GPRC5A: variants seen among roughly 807,000 people sequenced by gnomAD.
GPRC5A encodes retinoic acid-induced protein 3.
A neutral mutation model predicts 22.5 loss-of-function variants in GPRC5A; 19 were observed. The observed-to-expected ratio is 0.85, with a 90% CI of 0.59 to 1.24. GPRC5A has a LOEUF of 1.24. Ranked by LOEUF, GPRC5A falls within the 50% of genes most tolerant of loss-of-function variation. GPRC5A has a pLI of 0.00. For synonymous variants in GPRC5A, 192 were observed against 184.5 expected (o/e 1.04, Z -0.33); for missense variants, 471 against 451.1 (o/e 1.04, Z -0.40).
chr12:12,901,549 A>G (rs1252198345), intron 1 of GPRC5A, among the ~76,000 whole-genome samples: 2 of 151,838 alleles, frequency 1.3e-5, no homozygotes, highest in African/African-American at 4.8e-5. Flanking sequence ...TGCCTCATCT[A>G]TTCTGGTTAG....
At chr12:12,895,821 C>CAAAAAAAAAA (rs34696528) in intron 1 of GPRC5A, among the ~76,000 whole-genome samples, 323 of 74,138 alleles carry the variant, frequency 4.4e-3, no homozygotes, top group Non-Finnish European at 6.0e-3. Context: ...ACTAAAAATA[C>CAAAAAAAAAA]AAAAAAAAAA....
At chr12:12,903,024 G>T (rs756683841) in intron 1 of GPRC5A, among the ~76,000 whole-genome samples, 1 of 152,122 alleles carries the variant, frequency 6.6e-6, no homozygotes, top group Non-Finnish European at 1.5e-5. Flanking sequence ...CCGATATCGC[G>T]CCATTGCACT....
intron 1 of GPRC5A, among the ~76,000 whole-genome samples, chr12:12,900,615 G>A (rs1461796173): frequency 6.6e-6 from 1 of 151,704 alleles, no homozygotes; most frequent in Non-Finnish European, 1.5e-5. Context: ...CTTTCTTTTG[G>A]GGCCGGGCAC....
chr12:12,899,228 G>T (rs988885167), intron 1 of GPRC5A, among the ~76,000 whole-genome samples: 1 of 151,960 alleles, frequency 6.6e-6, no homozygotes, highest in African/African-American at 2.4e-5. Flanking sequence ...GTACAGCGGG[G>T]GTCTCACTAT....
intron 1 of GPRC5A, among the ~76,000 whole-genome samples, chr12:12,894,186 A>G (rs1255673846): frequency 6.6e-6 from 1 of 152,236 alleles, no homozygotes; most frequent in Non-Finnish European, 1.5e-5. Flanking sequence ...TAGAAAATCT[A>G]TGCTGATCAC....
At chr12:12,903,067 C>G (rs956991590) in intron 1 of GPRC5A, among the ~76,000 whole-genome samples, 1 of 150,490 alleles carries the variant, frequency 6.6e-6, no homozygotes, top group Non-Finnish European at 1.5e-5. Context: ...AACTCCGTCT[C>G]AAACAAAAAA....
chr12:12,912,435 T>G lies in GPRC5A; in HGVS notation c.982-12T>G. On this transcript the variant is annotated splice_polypyrimidine_tract_variant and intron_variant, in intron 3 of 3. Coordinates refer to ENST00000014914, the MANE Select transcript of GPRC5A (RefSeq NM_003979.4). ...TGGAGTGGGTTTCACGATATGACTG[T>G]TTCCTTTTCAGAACCAGCCTCCCCA... 1 of 1,573,930 alleles carries G rather than the reference T, an allele frequency of 6.4e-7. No individual in the cohort carries two copies. Among genetic ancestry groups the G allele is most frequent in the Non-Finnish European group, 8.7e-7 (1 of 1,143,274 alleles).
At chr12:12,903,743 T>C (rs961778815) in intron 1 of GPRC5A, among the ~76,000 whole-genome samples, 1 of 152,218 alleles carries the variant, frequency 6.6e-6, no homozygotes, top group Non-Finnish European at 1.5e-5. Flanking sequence ...GTGGGTTCTA[T>C]AAGGCCCTGA....
rs767232322 is a variant in GPRC5A at position 12,908,361 on chromosome 12, G to C, written c.112G>C (p.Gly38Arg). 1 of 1,613,906 alleles carries C rather than the reference G, an allele frequency of 6.2e-7. No homozygotes were observed. The highest frequency in any genetic ancestry group is 8.5e-7 in the Non-Finnish European group (1 of 1,179,930). The part of the protein sequence containing the change: ...GIVLETVATA[G>R]VVTSVAFMLT... ...CGTCCTAGAAACGGTGGCCACAGCC[G>C]GGGTTGTGACCTCGGTGGCCTTCAT... The change falls in exon 2 of 4, where the codon GGG becomes CGG. Residue 38 changes from glycine to arginine, a missense_variant. Transcript: ENST00000014914.
At chr12:12,894,852 C>T (rs181095381) in intron 1 of GPRC5A, among the ~76,000 whole-genome samples, 2 of 140,884 alleles carry the variant, frequency 1.4e-5, no homozygotes, top group African/African-American at 2.6e-5. Context: ...GATCACGGCT[C>T]ACTGCAAGCT....
Position 12,912,745 on chromosome 12 carries a change from ATTTT to A in GPRC5A, c.*216_*219del. 2 of 433,018 alleles carry A rather than the reference ATTTT, an allele frequency of 4.6e-6. No homozygotes were observed. The highest frequency in any genetic ancestry group is 8.1e-6 in the Non-Finnish European group (2 of 245,764). 26.8% of individuals were successfully genotyped at this position (433,018 alleles called of 1,614,324 possible). A position where few individuals can be genotyped will look rare whatever the true frequency, so the allele number is the denominator to read the frequency against. Reference sequence around the variant, plus strand: ...CTCCAGTTCTTAGAGGCGCTGTAGTATTTTTTTTTTTTTGTCTCATCCTTTGGAT... The same window carrying A: ...CTCCAGTTCTTAGAGGCGCTGTAGTATTTTTTTTTGTCTCATCCTTTGGAT... On this transcript the variant is annotated 3_prime_UTR_variant, in exon 4 of 4. Coordinates refer to ENST00000014914, the MANE Select transcript of GPRC5A (RefSeq NM_003979.4).
rs1421883000 is a variant in GPRC5A, at chr12:12,912,598, G to C, written c.*59G>C. 1.0e-6 allele frequency: 1 copy of C among 989,986 alleles called. No individual in the cohort carries two copies. Among genetic ancestry groups the C allele is most frequent in the Non-Finnish European group, 1.6e-6 (1 of 613,598 alleles). The allele number at this position is 989,986 out of a possible 1,614,324, so 61.3% of individuals were successfully genotyped here. A position where few individuals can be genotyped will look rare whatever the true frequency, so the allele number is the denominator to read the frequency against. ...GCGGCAGATCTAGCGGGAGCTCAAAGGGATGTGGGCGAAATCTTGAGTCTT... is the reference window on the plus strand; with the variant it reads ...GCGGCAGATCTAGCGGGAGCTCAAACGGATGTGGGCGAAATCTTGAGTCTT... On this transcript the variant is annotated 3_prime_UTR_variant, in exon 4 of 4. Coordinates refer to ENST00000014914, the MANE Select transcript of GPRC5A (RefSeq NM_003979.4).
intron 2 of GPRC5A, among the ~76,000 whole-genome samples, chr12:12,910,511 C>T (rs1863992672): frequency 6.6e-6 from 1 of 152,138 alleles, no homozygotes; most frequent in Admixed American, 6.5e-5. Context: ...CCTGAGCCAC[C>T]CCATCCCATC....
chr12:12,897,444 A>T (rs1203214590), intron 1 of GPRC5A, among the ~76,000 whole-genome samples: 2 of 152,124 alleles, frequency 1.3e-5, no homozygotes, highest in East Asian at 3.9e-4. Flanking sequence ...TCCCTTCCAG[A>T]TGGAAAATAC....
intron 1 of GPRC5A, among the ~76,000 whole-genome samples, chr12:12,900,906 A>C (rs1429859014): frequency 1.5e-4 from 19 of 123,406 alleles, no homozygotes; most frequent in South Asian, 9.7e-4. Context: ...AAAAAAAAAA[A>C]AAAAAAACAA....
chr12:12,892,106 G>C (rs144498029), intron 1 of GPRC5A: 3 of 152,418 alleles, frequency 2.0e-5, no homozygotes, highest in Non-Finnish European at 2.9e-5. Context: ...CACGGTGACA[G>C]CTACTATTTT....
intron 1 of GPRC5A, among the ~76,000 whole-genome samples, chr12:12,906,009 G>A (rs548123621): frequency 2.0e-5 from 3 of 152,038 alleles, no homozygotes; most frequent in Non-Finnish European, 4.4e-5. Context: ...AGAAAGAGAC[G>A]TAGAGAGGAG....
chr12:12,912,140 C>A lies in GPRC5A; in HGVS notation c.979C>A (p.Gln327Lys), dbSNP rs1487712704. ...YAPYSTHFQL[Q>K]NQPPQKEFSI... ...CCCCTATTCCACACATTTTCAGCTG[C>A]AGGTAAGTGATTTTTTTCTCCCTCT... is the stretch of plus-strand genomic sequence containing the variant. The change falls in exon 3 of 4, where the codon CAG becomes AAG. Residue 327 changes from glutamine (Q) to lysine (K), a missense_variant and splice_region_variant. By Grantham distance (53) the Gln-to-Lys change is moderately conservative. Transcript: ENST00000014914. The A allele has an allele frequency of 1.9e-6, 3 of 1,607,384 alleles. No individual in the cohort carries two copies. The Admixed American group carries it at 5.0e-5, about 27-fold the overall frequency.
In GPRC5A at chr12:12,908,893, T is replaced by G; in HGVS notation, c.644T>G (p.Leu215Arg). 1 of 1,614,150 alleles carries G rather than the reference T, an allele frequency of 6.2e-7. No homozygotes were observed. The highest frequency in any genetic ancestry group is 1.1e-5 in the South Asian group (1 of 91,084). ...AAGAGACATGGGGCCCACATCTACCTCACGATGCTCCTCTCCATTGCCATC... is the reference window on the plus strand; with the variant it reads ...AAGAGACATGGGGCCCACATCTACCGCACGATGCTCCTCTCCATTGCCATC... ...GWKRHGAHIY[L>R]TMLLSIAIWV... The change falls in exon 2 of 4, where the codon CTC (leucine) becomes CGC (arginine). Residue 215 changes from leucine to arginine, a missense_variant. Physicochemically the swap from Leu to Arg is moderately radical, Grantham distance 102 (BLOSUM62 -2). Coordinates refer to ENST00000014914, the MANE Select transcript of GPRC5A (RefSeq NM_003979.4).
Sources: allele counts gnomAD v4.1 joint callset (sites outside exome capture counted in the v4.1 genomes callset), GRCh38; gene constraint gnomAD v4.1.1; transcripts MANE v1.5; gene names NCBI Gene and HGNC (gene_info 2026-07-23, HGNC 2026-07-21).